CDC34: variants seen among roughly 807,000 people sequenced by gnomAD.
CDC34 encodes the protein cell division cycle 34, ubiquitin conjugating enzyme.
A neutral mutation model predicts 26.8 loss-of-function variants in CDC34; 18 were observed. That is an observed-to-expected ratio of 0.67 (90% confidence interval 0.47 to 1.00). The LOEUF (loss-of-function observed/expected upper bound fraction) is 1.00. Ranked by LOEUF, CDC34 falls within the 50% of genes least tolerant of loss-of-function variation. The pLI, the probability that CDC34 is intolerant of heterozygous loss-of-function variation, is 0.00. For synonymous variants in CDC34, 178 were observed against 147.5 expected (o/e 1.21, Z -1.50); for missense variants, 280 against 334.5 (o/e 0.84, Z 1.27).
chr19:538,191 C>CT (rs1979849970), intron 4 of CDC34, among the ~76,000 whole-genome samples: 1 of 152,232 alleles, frequency 6.6e-6, no homozygotes, highest in African/African-American at 2.4e-5. Flanking sequence ...TGCCCAGTGA[C>CT]TGACTGTTAG....
chr19:536,919 TG>T, intron 3 of CDC34, 93 bp from the exon 4 acceptor site: 1 of 1,431,000 alleles, frequency 7.0e-7, no homozygotes, highest in Non-Finnish European at 9.7e-7. Flanking sequence ...ACCTGCTGGG[TG>T]GGTCCAGGCG....
Position 541,611 on chromosome 19 carries a change from G to T in CDC34, c.*59G>T. ...CTAGGGCCGGACCCGTGGCTCCTTA[G>T]ACGACAGACTACCTCACGGAGGTTT... On this transcript the variant is annotated 3_prime_UTR_variant, in exon 5 of 5. Transcript: ENST00000215574. The T allele has an allele frequency of 6.7e-7, 1 of 1,495,068 alleles. No homozygotes were observed. The highest frequency in any genetic ancestry group is 1.4e-5 in the South Asian group (1 of 73,352). The allele number at this position is 1,495,068 out of a possible 1,614,324, so 92.6% of individuals were successfully genotyped here. A position where few individuals can be genotyped will look rare whatever the true frequency, so the allele number is the denominator to read the frequency against.
rs1568332343 is a variant in CDC34 at position 540,778 on chromosome 19, CCAGAGG to C, written c.498-559_498-554del. Reference sequence around the variant, plus strand: ...ATGGCCAGGCCCCCGGGTTTAGAATCCAGAGGCTGGGATGGCCAGGCCCCCCGGTTT... The same window carrying C: ...ATGGCCAGGCCCCCGGGTTTAGAATCCTGGGATGGCCAGGCCCCCCGGTTT... On this transcript the variant is annotated intron_variant, in intron 4 of 4. Coordinates refer to ENST00000215574, the MANE Select transcript of CDC34 (RefSeq NM_004359.2). Among the ~76,000 whole-genome samples, 32 of 79,422 alleles carry C rather than the reference CCAGAGG, an allele frequency of 4.0e-4. 5 individuals are homozygous for C. The highest frequency in any genetic ancestry group is 1.2e-3 in the African/African-American group (32 of 26,066). 52.1% of individuals were successfully genotyped at this position (79,422 alleles called of 152,430 possible).
chr19:538,708 C>T (rs778488276), intron 4 of CDC34: 342 of 985,414 alleles, frequency 3.5e-4, no homozygotes, highest in South Asian at 6.6e-4. Context: ...ACCTTCCATC[C>T]TGCACTCGCT....
At chr19:538,865 T>C (rs990153804) in intron 4 of CDC34, 12 of 985,108 alleles carry the variant, frequency 1.2e-5, no homozygotes, top group African/African-American at 1.7e-5. Flanking sequence ...ACAGGGTAGC[T>C]GCCCTGGCCG....
rs1263328531 is a variant in CDC34 at position 542,087 on chromosome 19, A to C, written c.*535A>C. On this transcript the variant is annotated 3_prime_UTR_variant, in exon 5 of 5. Transcript: ENST00000215574. ...AATCTAAATAAAACTACTTTATGAG[A>C]GGCCAGAGAAGCTGTGCTTGGGAGG... 3 of 152,494 alleles carry C rather than the reference A, an allele frequency of 2.0e-5. No homozygotes were observed. Among genetic ancestry groups the C allele is most frequent in the Non-Finnish European group, 4.4e-5 (3 of 68,260 alleles). The allele number at this position is 152,494 out of a possible 1,614,324, so 9.4% of individuals were successfully genotyped here.
rs1979747032 is a variant in CDC34, at chr19:536,287, C to T, written c.309C>T (p.Asp103=). 3 of 1,612,306 alleles carry T rather than the reference C, an allele frequency of 1.9e-6. No homozygotes were observed. Among genetic ancestry groups the T allele is most frequent in the Middle Eastern group, 1.6e-4 (1 of 6,082 alleles). The stretch of plus-strand genomic sequence containing the variant: ...CCATCCTCCACCCGCCGGTGGACGA[C>T]CCCCAGAGCGGGGAGCTGCCCTCAG... ...CISILHPPVD[D]PQSGELPSER... is the part of the protein sequence containing the mutation. Residue 103 remains aspartate (D), a synonymous_variant, in exon 3 of 5, where the codon GAC becomes GAT. Coordinates refer to ENST00000215574, the MANE Select transcript of CDC34 (RefSeq NM_004359.2).
chr19:536,426 C>G, intron 3 of CDC34, 86 bp downstream of exon 3: 1 of 1,076,284 alleles, frequency 9.3e-7, no homozygotes, highest in Non-Finnish European at 1.4e-6. Context: ...TCAGGTAGGC[C>G]GGGCTCCCCC....
chr19:536,898 AGGT>A, intron 3 of CDC34, 112 bp from the exon 4 acceptor site: 1 of 1,163,948 alleles, frequency 8.6e-7, no homozygotes, highest in East Asian at 2.4e-5. Context: ...CCATGAGGCC[AGGT>A]GAAGGTCACC....
chr19:531,916 C>T lies in CDC34; in HGVS notation c.-16C>T. On this transcript the variant is annotated 5_prime_UTR_variant, in exon 1 of 5. Coordinates refer to ENST00000215574, the MANE Select transcript of CDC34 (RefSeq NM_004359.2). Reference sequence around the variant, plus strand: ...GGCCCCGCGCTGCTCCGACCCCGGGCCCCTCCGCCGCCGCCATGGCTCGGC... The same window carrying T: ...GGCCCCGCGCTGCTCCGACCCCGGGTCCCTCCGCCGCCGCCATGGCTCGGC... 6 of 1,403,516 alleles carry T rather than the reference C, an allele frequency of 4.3e-6. No individual in the cohort carries two copies. In the East Asian group the frequency reaches 9.2e-5, roughly 22 times the overall value. 86.9% of individuals were successfully genotyped at this position (1,403,516 alleles called of 1,614,324 possible). A position where few individuals can be genotyped will look rare whatever the true frequency, so the allele number is the denominator to read the frequency against.
chr19:536,562 G>A lies in CDC34; in HGVS notation c.362+222G>A, dbSNP rs546148893. The A allele has an allele frequency of 4.4e-4, 257 of 584,606 alleles. 1 individual carries two copies. Among genetic ancestry groups the A allele is most frequent in the African/African-American group, 3.4e-3 (183 of 53,514 alleles). The allele number at this position is 584,606 out of a possible 1,614,324, so 36.2% of individuals were successfully genotyped here. A position where few individuals can be genotyped will look rare whatever the true frequency, so the allele number is the denominator to read the frequency against. On this transcript the variant is annotated intron_variant, in intron 3 of 4. Transcript: ENST00000215574. Reference sequence around the variant, plus strand: ...GTGTGTCGGTGCAGACTCCCACCAGGACCCCAGGCCGGCCCCACCGTCTGG... The same window carrying A: ...GTGTGTCGGTGCAGACTCCCACCAGAACCCCAGGCCGGCCCCACCGTCTGG...
In CDC34 at chr19:542,008, C is replaced by G. The variant is rs1980042493; in HGVS notation, c.*456C>G. On this transcript the variant is annotated 3_prime_UTR_variant, in exon 5 of 5. Coordinates refer to ENST00000215574, the MANE Select transcript of CDC34 (RefSeq NM_004359.2). The stretch of plus-strand genomic sequence containing the variant: ...CCAGGTCCTGGAGCCACGTCCAGCA[C>G]AGAGTGGACGGATTCACCGTGGCCG... 6.4e-6 allele frequency: 1 copy of G among 155,994 alleles called. No individual in the cohort carries two copies. The highest frequency in any genetic ancestry group is 2.0e-4 in the South Asian group (1 of 4,964). 9.7% of individuals were successfully genotyped at this position (155,994 alleles called of 1,614,324 possible). A position where few individuals can be genotyped will look rare whatever the true frequency, so the allele number is the denominator to read the frequency against.
intron 4 of CDC34, chr19:541,077 G>A: frequency 2.3e-6 from 1 of 437,792 alleles, no homozygotes; most frequent in Non-Finnish European, 4.1e-6. Flanking sequence ...CTTGGGTTGT[G>A]CTTCGGGGCG....
chr19:538,014 C>T (rs570299798), intron 4 of CDC34, among the ~76,000 whole-genome samples: 20 of 152,236 alleles, frequency 1.3e-4, no homozygotes, highest in African/African-American at 3.6e-4. Context: ...CATGTCTGTG[C>T]TTTAATGAAG....
chr19:533,554 C>G, intron 1 of CDC34, among the ~76,000 whole-genome samples: 1 of 152,228 alleles, frequency 6.6e-6, no homozygotes, highest in East Asian at 1.9e-4. Context: ...TCCGCCAGCC[C>G]CTTCTGTCTG....
intron 4 of CDC34, chr19:541,082 G>A (rs377683521): frequency 2.3e-5 from 10 of 440,914 alleles, no homozygotes; most frequent in Non-Finnish European, 3.2e-5. Flanking sequence ...GTTGTGCTTC[G>A]GGGCGGGGCA....
rs1218171541 is a variant in CDC34, at chr19:537,047, G to A, written c.397G>A (p.Glu133Lys). ...ILLSVISLLN[E>K]PNTFSPANVD... is the part of the protein sequence containing the mutation. ...CCTGAGTGTGATCTCCCTCCTGAAC[G>A]AGCCCAACACCTTCTCGCCCGCAAA... The change falls in exon 4 of 5, where the codon GAG (glutamate) becomes AAG (lysine). Residue 133 changes from glutamate (E) to lysine (K), a missense_variant. Transcript: ENST00000215574. 2.5e-6 allele frequency: 4 copies of A among 1,613,746 alleles called. No homozygotes were observed. The highest frequency in any genetic ancestry group is 2.7e-5 in the African/African-American group (2 of 74,930).
intron 1 of CDC34, among the ~76,000 whole-genome samples, chr19:534,636 C>CT (rs1430312842): frequency 2.8e-5 from 2 of 70,266 alleles, no homozygotes; most frequent in East Asian, 4.3e-4. Context: ...CCAAGACCCC[C>CT]GAGTGCCCTC....
At chr19:534,541 A>G (rs1427838489) in intron 1 of CDC34, among the ~76,000 whole-genome samples, 1 of 122,654 alleles carries the variant, frequency 8.2e-6, no homozygotes, top group Non-Finnish European at 1.7e-5. Context: ...CCACAATCCA[A>G]GACCCCCGAG....
Sources: allele counts gnomAD v4.1 joint callset (sites outside exome capture counted in the v4.1 genomes callset), GRCh38; gene constraint gnomAD v4.1.1; transcripts MANE v1.5; gene names NCBI Gene and HGNC (gene_info 2026-07-23, HGNC 2026-07-21).